Variants in EEF1G observed in about 807,000 individuals in gnomAD.
EEF1G encodes elongation factor 1-gamma.
A neutral mutation model predicts 58.3 loss-of-function variants in EEF1G; 14 were observed. The ratio of observed to expected loss-of-function variants is 0.24; its 90% confidence interval spans 0.16 to 0.38. The LOEUF (loss-of-function observed/expected upper bound fraction) is 0.38. Among genes scored for constraint, EEF1G ranks in the 10% least tolerant of loss-of-function variants. EEF1G has a pLI of 1.00. For synonymous variants in EEF1G, 180 were observed against 206.8 expected, an observed-to-expected ratio of 0.87 and a Z score of 1.11; for missense variants, 322 against 550.1, an observed-to-expected ratio of 0.59 and a Z score of 4.15.
intron 4 of EEF1G, among the ~76,000 whole-genome samples, chr11:62,571,322 T>G (rs1018030247): frequency 1.3e-5 from 2 of 152,206 alleles, no homozygotes; most frequent in African/African-American, 2.4e-5. Context: ...CCATTTGGTA[T>G]AATCTCTTCA....
chr11:62,562,827 T>C (rs1268024453), intron 7 of EEF1G, among the ~76,000 whole-genome samples: 1 of 152,216 alleles, frequency 6.6e-6, no homozygotes, highest in African/African-American at 2.4e-5. Context: ...TTTTCAAAGA[T>C]GTAGCCATGA....
At chr11:62,562,478 C>CT (rs936221225) in intron 7 of EEF1G, among the ~76,000 whole-genome samples, 1 of 151,786 alleles carries the variant, frequency 6.6e-6, no homozygotes, top group African/African-American at 2.4e-5. Context: ...AGAGGATAAT[C>CT]TTTTTTTTGT....
chr11:62,559,997 CAG>C (rs1941476981), intron 9 of EEF1G, 70 bp downstream of exon 9: 8 of 1,609,198 alleles, frequency 5.0e-6, no homozygotes, highest in Non-Finnish European at 6.8e-6. Context: ...TCCATCAACT[CAG>C]AAATAAAACA....
In EEF1G at chr11:62,561,687, A is replaced by C. The variant is rs867184487; in HGVS notation, c.858-1233T>G. Among the ~76,000 whole-genome samples the C allele has an allele frequency of 3.2e-3, 420 of 131,440 alleles. 5 individuals are homozygous for C. Among genetic ancestry groups the C allele is most frequent in the Middle Eastern group, 0.012 (3 of 248 alleles). The allele number at this position is 131,440 out of a possible 152,430, so 86.2% of individuals were successfully genotyped here. Reference sequence around the variant, plus strand: ...AAAAAAAAACAAAAAAAAAACAAAAAAAAAAAAAACAACCAAAAAACACAT... The same window carrying C: ...AAAAAAAAACAAAAAAAAAACAAAACAAAAAAAAACAACCAAAAAACACAT... On this transcript the variant is annotated intron_variant, in intron 7 of 9. Transcript: ENST00000329251.
Position 62,572,613 on chromosome 11 carries a change from C to G in EEF1G, c.142G>C (p.Glu48Gln), listed in dbSNP as rs1037404551. ...FHFGQTNRTP[E>Q]FLRKFPAGKV... ...CCGGCAGGAAATTTGCGGAGAAATT[C>G]AGGGGTGCGGTTGGTTTGGCCAAAA... The change falls in exon 2 of 10, where the codon GAA (glutamate) becomes CAA (glutamine). Residue 48 changes from glutamate (E) to glutamine (Q), a missense_variant. Transcript: ENST00000329251. 1.9e-6 allele frequency: 3 copies of G among 1,612,050 alleles called. No homozygotes were observed. Among genetic ancestry groups the G allele is most frequent in the East Asian group, 2.2e-5 (1 of 44,886 alleles).
At chr11:62,560,670 AACTCAAAGTGGG>A (rs1299112420) in intron 7 of EEF1G, among the ~76,000 whole-genome samples, 1 of 152,152 alleles carries the variant, frequency 6.6e-6, no homozygotes, top group African/African-American at 2.4e-5. Flanking sequence ...TGGAGGGTGG[AACTCAAAGTGGG>A]ACTCTGAGAC....
chr11:62,566,856 C>A lies in EEF1G; in HGVS notation c.807G>T (p.Ala269=), dbSNP rs766285337. The A allele has an allele frequency of 3.1e-6, 5 of 1,613,330 alleles. No individual in the cohort carries two copies. The South Asian group carries it at 5.5e-5, about 18-fold the overall frequency. Reference sequence around the variant, plus strand: ...CCTTGGCCTTGGGCTCAGCAGCCAGCGCCTGCTCACATTCATCCATCTCCT... The same window carrying A: ...CCTTGGCCTTGGGCTCAGCAGCCAGAGCCTGCTCACATTCATCCATCTCCT... ...PEEEMDECEQ[A]LAAEPKAKDP... is the part of the protein sequence containing the mutation. Residue 269 remains alanine, a synonymous_variant, in exon 7 of 10, where the codon GCG becomes GCT. Transcript: ENST00000329251.
At chr11:62,567,212 A>C (rs1488951889) in intron 6 of EEF1G, 187 bp downstream of exon 6, 2 of 928,872 alleles carry the variant, frequency 2.2e-6, no homozygotes, top group Non-Finnish European at 1.6e-6. Context: ...TCGCAAATCT[A>C]TATAGTAATA....
In EEF1G at chr11:62,560,325, A is replaced by C; in HGVS notation, c.987T>G (p.Pro329=). The C allele has an allele frequency of 6.2e-7, 1 of 1,611,862 alleles. No individual in the cohort carries two copies. The highest frequency in any genetic ancestry group is 1.1e-5 in the South Asian group (1 of 90,644). Residue 329 remains proline (P), a synonymous_variant, in exon 8 of 10, where the codon CCT becomes CCG. Transcript: ENST00000329251. ...WSLWYSEYRF[P]EELTQTFMSC... ...TCATGAAGGTCTGAGTGAGTTCTTC[A>C]GGGAAGCGATACTCTGAGTACCACA...
At chr11:62,568,019 G>A (rs1941577996) in intron 5 of EEF1G, among the ~76,000 whole-genome samples, 1 of 151,032 alleles carries the variant, frequency 6.6e-6, no homozygotes, top group Non-Finnish European at 1.5e-5. Context: ...CACGAGGTCA[G>A]GAGATCGAGA....
rs1941623332 is a variant in EEF1G at position 62,570,988 on chromosome 11, T to C, written c.499A>G (p.Thr167Ala). ...VTLADITVVC[T>A]LLWLYKQVLE... ...ACCTGCTTATAGAGCCACAACAGGG[T>C]GCAGACAACTGTGATGTCAGCCAAT... Residue 167 changes from threonine (T) to alanine (A), a missense_variant, in exon 5 of 10, where the codon ACC becomes GCC. By Grantham distance (58) the Thr-to-Ala change is moderately conservative (BLOSUM62 0). Around this residue, in one of 3 missense-constraint regions of EEF1G, gnomAD observed 52 missense variants for 139.4 expected, o/e 0.37. Coordinates refer to ENST00000329251, the MANE Select transcript of EEF1G (RefSeq NM_001404.5). 10 of 1,613,820 alleles carry C rather than the reference T, an allele frequency of 6.2e-6. No homozygotes were observed. The highest frequency in any genetic ancestry group is 8.5e-6 in the Non-Finnish European group (10 of 1,179,858).
intron 7 of EEF1G, among the ~76,000 whole-genome samples, chr11:62,561,510 T>TAA (rs71458419): frequency 1.9e-3 from 192 of 102,348 alleles, no homozygotes; most frequent in Middle Eastern, 5.5e-3. Flanking sequence ...CTATCTCTAC[T>TAA]AAAAAAAAAA....
At chr11:62,566,187 CTA>C (rs1417901008) in intron 7 of EEF1G, among the ~76,000 whole-genome samples, 3 of 152,166 alleles carry the variant, frequency 2.0e-5, no homozygotes, top group Non-Finnish European at 4.4e-5. Flanking sequence ...CTCGTTTTTA[CTA>C]TATTATTTCT....
In EEF1G at chr11:62,571,000, T is replaced by C; in HGVS notation, c.487A>G (p.Thr163Ala). Residue 163 changes from threonine (T) to alanine (A), a missense_variant, in exon 5 of 10, where the codon ACA becomes GCA. Thr to Ala is a moderately conservative substitution (Grantham distance 58). Transcript: ENST00000329251. ...VGERVTLADI[T>A]VVCTLLWLYK... is the part of the protein sequence containing the mutation. ...AGCCACAACAGGGTGCAGACAACTG[T>C]GATGTCAGCCAATGTCACTCGTTCG... is the stretch of plus-strand genomic sequence containing the variant. 1 of 1,613,936 alleles carries C rather than the reference T, an allele frequency of 6.2e-7. No individual in the cohort carries two copies. The highest frequency in any genetic ancestry group is 8.5e-7 in the Non-Finnish European group (1 of 1,179,860).
intron 7 of EEF1G, among the ~76,000 whole-genome samples, chr11:62,563,743 T>C (rs570858661): frequency 6.6e-6 from 1 of 152,312 alleles, no homozygotes; most frequent in South Asian, 2.1e-4. Context: ...ACTGTTACCC[T>C]GACCCTCCCC....
At chr11:62,565,824 T>G (rs1339631516) in intron 7 of EEF1G, among the ~76,000 whole-genome samples, 1 of 152,218 alleles carries the variant, frequency 6.6e-6, no homozygotes, top group Admixed American at 6.5e-5. Flanking sequence ...TGCTCCCATC[T>G]ATTAGTGCAA....
intron 7 of EEF1G, among the ~76,000 whole-genome samples, chr11:62,563,149 C>T (rs540826028): frequency 1.1e-4 from 17 of 151,182 alleles, no homozygotes; most frequent in Admixed American, 2.6e-4. Context: ...TTCCTTGAGA[C>T]GGAGTCTAGC....
intron 5 of EEF1G, among the ~76,000 whole-genome samples, chr11:62,568,858 A>G (rs1941589938): frequency 6.6e-6 from 1 of 152,022 alleles, no homozygotes; most frequent in Non-Finnish European, 1.5e-5. Flanking sequence ...CCGTAATCCC[A>G]GCTACTCAGG....
intron 7 of EEF1G, among the ~76,000 whole-genome samples, chr11:62,565,063 ACT>A (rs1437865345): frequency 2.0e-5 from 3 of 151,270 alleles, no homozygotes; most frequent in East Asian, 1.9e-4. Flanking sequence ...ACAGAGTGAG[ACT>A]CTGTCTCCAA....
Sources: allele counts gnomAD v4.1 joint callset (sites outside exome capture counted in the v4.1 genomes callset), GRCh38; gene constraint gnomAD v4.1.1; regional missense constraint gnomAD v4.1.1; transcripts MANE v1.5; gene names NCBI Gene and HGNC (gene_info 2026-07-23, HGNC 2026-07-21).